Variants in WDCP observed in about 807,000 individuals in gnomAD.
WDCP encodes WD repeat and coiled coil containing.
In WDCP, 19 loss-of-function variants were observed where a neutral mutation model predicts 41.6. That is an observed-to-expected ratio of 0.46 (90% CI 0.32 to 0.67). WDCP has a LOEUF of 0.67. Among genes scored for constraint, WDCP ranks in the 30% least tolerant of loss-of-function variants. The pLI, the probability that WDCP is intolerant of heterozygous loss-of-function variation, is 0.04. For missense variants in WDCP, 802 were observed against 850.7 expected (o/e 0.94, Z 0.71); for synonymous variants, 302 against 320.8 (o/e 0.94, Z 0.63).
At chr2:24,042,566 G>T (rs1232755083) in intron 1 of WDCP, among the ~76,000 whole-genome samples, 1 of 147,406 alleles carries the variant, frequency 6.8e-6, no homozygotes, top group Non-Finnish European at 1.5e-5. Context: ...AAAATTAGCT[G>T]GCTGTGGTGG....
chr2:24,039,965 T>A (rs2150951991), intron 1 of WDCP, among the ~76,000 whole-genome samples: 1 of 150,156 alleles, frequency 6.7e-6, no homozygotes, highest in Admixed American at 6.7e-5. Flanking sequence ...GCCCAGCTAA[T>A]TTTTTTTTTA....
At position 24,033,122 on chromosome 2, in the gene WDCP, G is replaced by A. The variant is rs999415254; in HGVS notation, c.1819-176C>T. The A allele has an allele frequency of 3.9e-5, 27 of 694,858 alleles. No homozygotes were observed. In the East Asian group the frequency reaches 5.1e-4, roughly 13 times the overall value. 43.0% of individuals were successfully genotyped at this position (694,858 alleles called of 1,614,324 possible). A position where few individuals can be genotyped will look rare whatever the true frequency, so the allele number is the denominator to read the frequency against. Reference sequence around the variant, plus strand: ...ATTATTTAACACAACTAAAAAATCCGAACAAAACAGCCTTATTTTTCCTTT... The same window carrying A: ...ATTATTTAACACAACTAAAAAATCCAAACAAAACAGCCTTATTTTTCCTTT... On this transcript the variant is annotated intron_variant, in intron 2 of 3. Transcript: ENST00000295148.
chr2:24,036,747 A>G (rs527736153), intron 2 of WDCP, among the ~76,000 whole-genome samples: 3 of 152,238 alleles, frequency 2.0e-5, no homozygotes, highest in Non-Finnish European at 4.4e-5. Context: ...AGAGTGCACC[A>G]TATCACCCTA....
chr2:24,036,101 T>TAAATAAATA (rs1553317302), intron 2 of WDCP, among the ~76,000 whole-genome samples: 4 of 148,288 alleles, frequency 2.7e-5, no homozygotes, highest in African/African-American at 7.5e-5. Context: ...AATAAATAAA[T>TAAATAAATA]AAATAAAATA....
chr2:24,034,191 C>T (rs1304493487), intron 2 of WDCP, among the ~76,000 whole-genome samples: 4 of 152,026 alleles, frequency 2.6e-5, no homozygotes, highest in East Asian at 3.9e-4. Flanking sequence ...AAGGCCAAGG[C>T]GGGTGGATCA....
chr2:24,037,558 A>G, intron 2 of WDCP, 119 bp downstream of exon 2: 1 of 1,179,974 alleles, frequency 8.5e-7, no homozygotes, highest in Non-Finnish European at 1.2e-6. Context: ...GTAACATAAC[A>G]TGCCCAGCTT....
chr2:24,037,426 A>C (rs1286151854), intron 2 of WDCP, among the ~76,000 whole-genome samples: 1 of 152,238 alleles, frequency 6.6e-6, no homozygotes, highest in East Asian at 1.9e-4. Flanking sequence ...TGCCCGAATT[A>C]GTGCAGACAT....
At chr2:24,031,406 G>A (rs1663090760) in intron 3 of WDCP, among the ~76,000 whole-genome samples, 1 of 152,202 alleles carries the variant, frequency 6.6e-6, no homozygotes, top group Non-Finnish European at 1.5e-5. Flanking sequence ...ACTGTTACAA[G>A]AATGAGGCAT....
In WDCP at chr2:24,038,366, T is replaced by A; in HGVS notation, c.1129A>T (p.Ile377Phe). 3.1e-6 allele frequency: 5 copies of A among 1,614,230 alleles called. No homozygotes were observed. Among genetic ancestry groups the A allele is most frequent in the East Asian group, 2.2e-5 (1 of 44,880 alleles). Reference sequence around the variant, plus strand: ...GTGTTCTCTAATCGAATTTGCTGGATGTTTGGGACTGAAGATGGAATGACA... The same window carrying A: ...GTGTTCTCTAATCGAATTTGCTGGAAGTTTGGGACTGAAGATGGAATGACA... ...YSVIPSSVPNIQQIRLENTER... is the reference protein window; with the variant it reads ...YSVIPSSVPNFQQIRLENTER... The change falls in exon 2 of 4, where the codon ATC becomes TTC. Residue 377 changes from isoleucine (I) to phenylalanine (F), a missense_variant. Physicochemically the swap from Ile to Phe is conservative, Grantham distance 21. Transcript: ENST00000295148.
chr2:24,039,905 C>T (rs916574519), intron 1 of WDCP, among the ~76,000 whole-genome samples: 1 of 152,020 alleles, frequency 6.6e-6, no homozygotes, highest in African/African-American at 2.4e-5. Flanking sequence ...TCAAGCGATT[C>T]TTCTGCCTCA....
chr2:24,045,694 C>G (rs1371147172), intron 1 of WDCP: 1 of 147,022 alleles, frequency 6.8e-6, no homozygotes, highest in Non-Finnish European at 1.5e-5. Flanking sequence ...AAAGGAAGGG[C>G]AGGCACAGTG....
At chr2:24,040,134 A>T (rs1663383341) in intron 1 of WDCP, among the ~76,000 whole-genome samples, 1 of 152,052 alleles carries the variant, frequency 6.6e-6, no homozygotes, top group African/African-American at 2.4e-5. Flanking sequence ...TGAACATGGT[A>T]TTGTGGTTAT....
At chr2:24,041,196 G>A (rs1302078318) in intron 1 of WDCP, among the ~76,000 whole-genome samples, 3 of 150,874 alleles carry the variant, frequency 2.0e-5, no homozygotes, top group Non-Finnish European at 4.4e-5. Context: ...AAAATTAGCC[G>A]GGCATGGTGG....
chr2:24,037,587 C>T, intron 2 of WDCP, 90 bp downstream of exon 2: 1 of 1,341,062 alleles, frequency 7.5e-7, no homozygotes, highest in Non-Finnish European at 1.0e-6. Flanking sequence ...TCAGTTAGAG[C>T]ACCATCTTCC....
chr2:24,038,489 T>G lies in WDCP; in HGVS notation c.1006A>C (p.Ile336Leu). ...KAVTMTRKVT[I>L]PGILVPDLIA... The stretch of plus-strand genomic sequence containing the variant: ...AGATCAGGAACCAGAATGCCTGGAA[T>G]AGTGACTTTTCTCGTCATGGTAACT... The change falls in exon 2 of 4, where the codon ATT (isoleucine) becomes CTT (leucine). Residue 336 changes from isoleucine to leucine, a missense_variant. Ile to Leu is a conservative substitution (Grantham distance 5). This residue lies in a region of WDCP where 247 missense variants were observed against 240.5 expected (regional missense o/e 1.03). Coordinates refer to ENST00000295148, the MANE Select transcript of WDCP (RefSeq NM_025203.3). The G allele has an allele frequency of 1.2e-6, 2 of 1,614,246 alleles. No individual in the cohort carries two copies. The highest frequency in any genetic ancestry group is 1.7e-6 in the Non-Finnish European group (2 of 1,180,046).
chr2:24,044,430 C>T (rs1663548947), intron 1 of WDCP, among the ~76,000 whole-genome samples: 1 of 152,006 alleles, frequency 6.6e-6, no homozygotes, highest in Non-Finnish European at 1.5e-5. Flanking sequence ...CCATGCCCAG[C>T]TAATTTTTAT....
At chr2:24,033,165 A>G (rs1436847122) in intron 2 of WDCP, 5 of 626,990 alleles carry the variant, frequency 8.0e-6, no homozygotes, top group Non-Finnish European at 1.5e-5. Flanking sequence ...CTCTTTCCTC[A>G]GGGTTCTTCA....
intron 2 of WDCP, chr2:24,033,327 CGAGA>C (rs1451887871): frequency 3.1e-6 from 1 of 324,558 alleles, no homozygotes; most frequent in East Asian, 7.8e-5. Flanking sequence ...AAAAAAATGC[CGAGA>C]GAGTGTCCTA....
At chr2:24,040,280 A>G (rs944423088) in intron 1 of WDCP, among the ~76,000 whole-genome samples, 2 of 152,238 alleles carry the variant, frequency 1.3e-5, no homozygotes, top group Non-Finnish European at 2.9e-5. Context: ...AAGAAAACAA[A>G]TGTAGCAAAA....
Sources: gnomAD v4.1 joint callset for allele counts (sites outside exome capture counted in the v4.1 genomes callset) on GRCh38, gnomAD v4.1.1 for gene constraint, gnomAD v4.1.1 regional missense constraint, MANE v1.5 for transcripts, NCBI Gene and HGNC (gene_info 2026-07-23, HGNC 2026-07-21) for gene names.